The following ABTB2 variants were observed in gnomAD, a reference collection of about 807,000 sequenced individuals.
ABTB2 encodes ankyrin repeat and BTB domain containing 2, also known as ankyrin repeat and BTB/POZ domain-containing protein 2.
ABTB2 carries 56 observed loss-of-function variants against 104.1 expected under a neutral mutation model. That is an observed-to-expected ratio of 0.54 (90% CI 0.43 to 0.67). The LOEUF (loss-of-function observed/expected upper bound fraction) is 0.67, where lower values mean the gene tolerates loss of function less well. ABTB2 is among the 30% of genes least tolerant of loss of function. The probability of loss-of-function intolerance (pLI) is 0.00; values close to 1 mark genes in which losing one functional copy is unlikely to be tolerated. For synonymous variants in ABTB2, 606 were observed against 608.2 expected (o/e 1.00, Z 0.05); for missense variants, 1,279 against 1,407.7 (o/e 0.91, Z 1.46).
chr11:34,322,451 T>A (rs371467714), intron 1 of ABTB2, among the ~76,000 whole-genome samples: 2 of 152,112 alleles, frequency 1.3e-5, no homozygotes, highest in African/African-American at 4.8e-5. Context: ...GGCATGCACC[T>A]GTAATCCCAG....
intron 1 of ABTB2, among the ~76,000 whole-genome samples, chr11:34,210,813 C>A (rs905284817): frequency 2.6e-5 from 4 of 152,190 alleles, no homozygotes; most frequent in Non-Finnish European, 5.9e-5. Context: ...CTTGGCAGGG[C>A]GTCTTCTGCC....
chr11:34,230,587 A>G (rs1853755703), intron 1 of ABTB2, among the ~76,000 whole-genome samples: 1 of 152,038 alleles, frequency 6.6e-6, no homozygotes, highest in South Asian at 2.1e-4. Context: ...ACAGTCCCTA[A>G]ATGCTGATGG....
rs114864241 is a variant in ABTB2 at position 34,166,832 on chromosome 11, C to T, written c.1755+427G>A. On this transcript the variant is annotated intron_variant, in intron 7 of 16. Coordinates refer to ENST00000435224, the MANE Select transcript of ABTB2 (RefSeq NM_145804.3). ...GCCAATCCGAAACCTCTCTCAGGAACTAAGGAGGGGACAGAATTGCACAGA... is the reference window on the plus strand; with the variant it reads ...GCCAATCCGAAACCTCTCTCAGGAATTAAGGAGGGGACAGAATTGCACAGA... Among the ~76,000 whole-genome samples the T allele has an allele frequency of 2.3e-3, 344 of 152,326 alleles. 4 individuals are homozygous for T. The highest frequency in any genetic ancestry group is 7.8e-3 in the African/African-American group (324 of 41,570).
intron 1 of ABTB2, among the ~76,000 whole-genome samples, chr11:34,288,736 T>C (rs117406480): frequency 9.8e-6 from 1 of 101,654 alleles, no homozygotes; most frequent in East Asian, 2.6e-4. Flanking sequence ...TAGGCCTCTG[T>C]GTTGTTGCAG....
At chr11:34,232,600 T>C (rs1853786986) in intron 1 of ABTB2, among the ~76,000 whole-genome samples, 1 of 152,150 alleles carries the variant, frequency 6.6e-6, no homozygotes, top group Non-Finnish European at 1.5e-5. Flanking sequence ...TAGCCTTCTC[T>C]CACAGACCAC....
At chr11:34,195,919 G>GA (rs1853247743) in intron 3 of ABTB2, among the ~76,000 whole-genome samples, 1 of 152,184 alleles carries the variant, frequency 6.6e-6, no homozygotes, top group Non-Finnish European at 1.5e-5. Context: ...CAGGCAAGGG[G>GA]ACTGCAGAGC....
In ABTB2 at chr11:34,164,701, G is replaced by C; in HGVS notation, c.1973C>G (p.Ala658Gly). The C allele has an allele frequency of 6.6e-7, 1 of 1,523,456 alleles. No homozygotes were observed. The highest frequency in any genetic ancestry group is 8.7e-7 in the Non-Finnish European group (1 of 1,144,258). The allele number at this position is 1,523,456 out of a possible 1,614,324, so 94.4% of individuals were successfully genotyped here. A position where few individuals can be genotyped will look rare whatever the true frequency, so the allele number is the denominator to read the frequency against. The change falls in exon 9 of 17, where the codon GCT becomes GGT. Residue 658 changes from alanine (A) to glycine (G), a missense_variant. Transcript: ENST00000435224. The stretch of plus-strand genomic sequence containing the variant: ...GGGCAGGTACCTGTGGCCGTGGGCA[G>C]CTGAGTGGCTGAAGCAGTTCATGTC... ...HEDMNCFSHS[A>G]AHGHRNVLRK...
chr11:34,206,516 G>A (rs1355719109), intron 1 of ABTB2, among the ~76,000 whole-genome samples: 1 of 152,194 alleles, frequency 6.6e-6, no homozygotes, highest in East Asian at 1.9e-4. Flanking sequence ...TCAAATCTGG[G>A]ATGGACTGGT....
chr11:34,171,034 C>A lies in ABTB2; in HGVS notation c.1435G>T (p.Ala479Ser). 1 of 1,614,174 alleles carries A rather than the reference C, an allele frequency of 6.2e-7. No individual in the cohort carries two copies. Among genetic ancestry groups the A allele is most frequent in the Non-Finnish European group, 8.5e-7 (1 of 1,180,042 alleles). ...HCFSSFRRLD[A>S]RAATEKFNQD... The stretch of plus-strand genomic sequence containing the variant: ...TTGAATTTTTCAGTAGCTGCTCGGG[C>A]ATCCAGCCTCCGGAAGGAACTGAAA... Residue 479 changes from alanine (A) to serine (S), a missense_variant, in exon 5 of 17, where the codon GCC (alanine) becomes TCC (serine). By Grantham distance (99) the Ala-to-Ser change is moderately conservative. Transcript: ENST00000435224.
At chr11:34,349,884 G>A (rs1855378092) in intron 1 of ABTB2, among the ~76,000 whole-genome samples, 1 of 152,156 alleles carries the variant, frequency 6.6e-6, no homozygotes, top group Admixed American at 6.5e-5. Flanking sequence ...GAAACAACTT[G>A]CCCAGGGTCA....
At chr11:34,229,254 G>T (rs1368326496) in intron 1 of ABTB2, among the ~76,000 whole-genome samples, 10 of 151,948 alleles carry the variant, frequency 6.6e-5, no homozygotes, top group Non-Finnish European at 1.3e-4. Context: ...AGGCCGAGGT[G>T]GGCGGATCAC....
intron 1 of ABTB2, among the ~76,000 whole-genome samples, chr11:34,276,247 T>C (rs1340237596): frequency 6.6e-6 from 1 of 151,528 alleles, no homozygotes; most frequent in African/African-American, 2.4e-5. Flanking sequence ...TCTGATTCGA[T>C]GTGACTAATA....
intron 1 of ABTB2, among the ~76,000 whole-genome samples, chr11:34,244,411 T>G (rs1565150046): frequency 1.3e-5 from 2 of 152,204 alleles, no homozygotes; most frequent in African/African-American, 4.8e-5. Context: ...CTGCACATTT[T>G]TAGCATGTGA....
intron 1 of ABTB2, among the ~76,000 whole-genome samples, chr11:34,238,280 C>A (rs1225376855): frequency 2.0e-5 from 3 of 152,140 alleles, no homozygotes; most frequent in Non-Finnish European, 4.4e-5. Context: ...GGGCTTTTCC[C>A]AAATCTCTGA....
At chr11:34,322,791 C>T (rs541568875) in intron 1 of ABTB2, among the ~76,000 whole-genome samples, 149 of 152,198 alleles carry the variant, frequency 9.8e-4, no homozygotes, top group African/African-American at 3.3e-3. Context: ...CCAACTTCAG[C>T]CCCCCACCCT....
intron 1 of ABTB2, among the ~76,000 whole-genome samples, chr11:34,331,944 A>C (rs1374383489): frequency 6.6e-6 from 1 of 152,248 alleles, no homozygotes; most frequent in Non-Finnish European, 1.5e-5. Flanking sequence ...ATATGGTGAC[A>C]TGAGTCACAG....
At chr11:34,166,643 C>T (rs958776359) in intron 7 of ABTB2, among the ~76,000 whole-genome samples, 2 of 152,236 alleles carry the variant, frequency 1.3e-5, no homozygotes, top group Non-Finnish European at 2.9e-5. Flanking sequence ...CGCATGCCAG[C>T]GATCTGAGGA....
At chr11:34,225,359 G>A (rs1853672475) in intron 1 of ABTB2, among the ~76,000 whole-genome samples, 2 of 152,216 alleles carry the variant, frequency 1.3e-5, no homozygotes, top group Admixed American at 6.5e-5. Flanking sequence ...CACTGTTATG[G>A]CTGAAGTCGC....
In ABTB2 at chr11:34,297,792, A is replaced by AC. The variant is rs1302494241; in HGVS notation, c.883+58908_883+58909insG. Among the ~76,000 whole-genome samples, 391 of 73,556 alleles carry AC rather than the reference A, an allele frequency of 5.3e-3. 24 individuals are homozygous for AC. Among genetic ancestry groups the AC allele is most frequent in the African/African-American group, 0.018 (233 of 12,788 alleles). The allele number at this position is 73,556 out of a possible 152,430, so 48.3% of individuals were successfully genotyped here. On this transcript the variant is annotated intron_variant, in intron 1 of 16. Coordinates refer to ENST00000435224, the MANE Select transcript of ABTB2 (RefSeq NM_145804.3). Reference sequence around the variant, plus strand: ...AAAAAAAAAAAAAAAAAATAAAAATAAAGGAAAGAAAAAGAAAAAAACAAA... The same window carrying AC: ...AAAAAAAAAAAAAAAAAATAAAAATACAAGGAAAGAAAAAGAAAAAAACAAA...
Sources: allele counts gnomAD v4.1 joint callset (sites outside exome capture counted in the v4.1 genomes callset), GRCh38; gene constraint gnomAD v4.1.1; transcripts MANE v1.5; gene names NCBI Gene and HGNC (gene_info 2026-07-23, HGNC 2026-07-21).